Variants in GPR155 observed in about 807,000 individuals in gnomAD.
GPR155 encodes the protein lysosomal cholesterol signaling protein.
A neutral mutation model predicts 93.1 loss-of-function variants in GPR155; 65 were observed. The ratio of observed to expected loss-of-function variants is 0.70; its 90% CI spans 0.57 to 0.86. The LOEUF (loss-of-function observed/expected upper bound fraction) is 0.86, where lower values mean the gene tolerates loss of function less well. Among genes scored for constraint, GPR155 ranks in the 40% least tolerant of loss-of-function variants. GPR155 has a pLI of 0.00. For missense variants in GPR155, 838 were observed against 1,034.8 expected, an observed-to-expected ratio of 0.81 and a Z score of 2.61; for synonymous variants, 319 against 360.1, an observed-to-expected ratio of 0.89 and a Z score of 1.29.
Position 174,436,157 on chromosome 2 carries a change from T to G in GPR155, c.2572A>C (p.Ile858Leu), listed in dbSNP as rs1318730953. Residue 858 changes from isoleucine to leucine, a missense_variant, in exon 16 of 16, where the codon ATT (isoleucine) becomes CTT (leucine). Transcript: ENST00000392552. ...TGTGAGGGTGGGGATGAATGCTCAA[T>G]TTCTTTATATCTTTCCTGTTGGAGA... ...NTLQQERYKE[I>L]EHSSPPSHSP... 4 of 1,613,864 alleles carry G rather than the reference T, an allele frequency of 2.5e-6. No homozygotes were observed. The African/African-American group carries it at 5.3e-5, about 22-fold the overall frequency.
rs190549591 is a variant in GPR155, at chr2:174,480,824, C to T, written c.460+673G>A. Among the ~76,000 whole-genome samples, 24 of 152,076 alleles carry T rather than the reference C, an allele frequency of 1.6e-4. No individual in the cohort carries two copies. In the East Asian group the frequency reaches 3.5e-3, roughly 22 times the overall value. On this transcript the variant is annotated intron_variant, in intron 2 of 15. Coordinates refer to ENST00000392552, the MANE Select transcript of GPR155 (RefSeq NM_152529.7). Reference sequence around the variant, plus strand: ...TCACTCTGTCACCCAGGCTGGAGTACAGTGGTATAATATTGACCCACTGCA... The same window carrying T: ...TCACTCTGTCACCCAGGCTGGAGTATAGTGGTATAATATTGACCCACTGCA...
chr2:174,472,715 C>T (rs1359920189), intron 3 of GPR155, among the ~76,000 whole-genome samples: 1 of 152,028 alleles, frequency 6.6e-6, no homozygotes, highest in Non-Finnish European at 1.5e-5. Context: ...ACTGAGTAAA[C>T]TTTATGTAAA....
intron 10 of GPR155, among the ~76,000 whole-genome samples, chr2:174,455,247 T>C (rs1342625445): frequency 6.6e-6 from 1 of 151,992 alleles, no homozygotes; most frequent in Non-Finnish European, 1.5e-5. Flanking sequence ...ACAGAGAAAT[T>C]AGTGAGCTTC....
intron 11 of GPR155, among the ~76,000 whole-genome samples, chr2:174,452,549 A>G (rs1452682609): frequency 6.6e-6 from 1 of 152,244 alleles, no homozygotes; most frequent in Non-Finnish European, 1.5e-5. Flanking sequence ...ATAATCAACG[A>G]AAAATGCACT....
rs1688058806 is a variant in GPR155 at position 174,473,476 on chromosome 2, A to G, written c.461-112T>C. On this transcript the variant is annotated intron_variant, in intron 2 of 15. Coordinates refer to ENST00000392552, the MANE Select transcript of GPR155 (RefSeq NM_152529.7). ...CAATGATAAATCTAAAATTTTCAAA[A>G]TGACCCAAATAGCCTATTTTGGAAA... The G allele has an allele frequency of 1.8e-5, 13 of 708,500 alleles. No homozygotes were observed. The South Asian group carries it at 2.8e-4, about 15-fold the overall frequency. 43.9% of individuals were successfully genotyped at this position (708,500 alleles called of 1,614,324 possible).
intron 11 of GPR155, 81 bp from the exon 12 acceptor site, chr2:174,446,828 G>T: frequency 1.6e-6 from 2 of 1,276,318 alleles, no homozygotes; most frequent in South Asian, 2.5e-5. Context: ...CTTCCTAAGA[G>T]AAACAACAGA....
At position 174,453,822 on chromosome 2, in the gene GPR155, C is replaced by T. The variant is rs758746031; in HGVS notation, c.1791G>A (p.Met597Ile). The change falls in exon 11 of 16, where the codon ATG becomes ATA. Residue 597 changes from methionine to isoleucine, a missense_variant. Physicochemically the swap from Met to Ile is conservative, Grantham distance 10 (BLOSUM62 1). Around this residue, in one of 3 missense-constraint regions of GPR155, gnomAD observed 663 missense variants for 790.1 expected, o/e 0.84. Transcript: ENST00000392552. Reference sequence around the variant, plus strand: ...ATGGGCAGTGTAATTCACCATTTCCCATGGAGCAGGAGCAGCAACCTATAT... The same window carrying T: ...ATGGGCAGTGTAATTCACCATTTCCTATGGAGCAGGAGCAGCAACCTATAT... ...IPETSCCSCS[M>I]GNGELHCPSI... 5 of 1,612,718 alleles carry T rather than the reference C, an allele frequency of 3.1e-6. No individual in the cohort carries two copies. Among genetic ancestry groups the T allele is most frequent in the Non-Finnish European group, 4.2e-6 (5 of 1,178,986 alleles).
Position 174,435,948 on chromosome 2 carries a change from A to G in GPR155, c.*168T>C. On this transcript the variant is annotated 3_prime_UTR_variant, in exon 16 of 16. Coordinates refer to ENST00000392552, the MANE Select transcript of GPR155 (RefSeq NM_152529.7). ...CCTATGTGTTTTACATACATGTAAA[A>G]TCACAGACCCTGCGCATGTGGTGGG... is the stretch of plus-strand genomic sequence containing the variant. 1 of 598,080 alleles carries G rather than the reference A, an allele frequency of 1.7e-6. No homozygotes were observed. The highest frequency in any genetic ancestry group is 3.0e-6 in the Non-Finnish European group (1 of 334,220). The allele number at this position is 598,080 out of a possible 1,614,324, so 37.0% of individuals were successfully genotyped here. A position where few individuals can be genotyped will look rare whatever the true frequency, so the allele number is the denominator to read the frequency against.
chr2:174,455,756 G>A (rs1239805162), intron 10 of GPR155, among the ~76,000 whole-genome samples: 1 of 152,194 alleles, frequency 6.6e-6, no homozygotes, highest in Non-Finnish European at 1.5e-5. Context: ...ACCACTAAAA[G>A]AAAGATAATT....
At chr2:174,457,801 AT>A (rs1453541207) in intron 10 of GPR155, among the ~76,000 whole-genome samples, 1 of 151,910 alleles carries the variant, frequency 6.6e-6, no homozygotes, top group African/African-American at 2.4e-5. Flanking sequence ...CCCAGGCTGG[AT>A]TGCTGTGGCG....
chr2:174,445,034 C>T (rs917933604), intron 13 of GPR155, 47 bp downstream of exon 13: 3 of 905,786 alleles, frequency 3.3e-6, no homozygotes, highest in Non-Finnish European at 5.6e-6. Context: ...ACCAATCAAC[C>T]TATCCAGGAA....
intron 10 of GPR155, among the ~76,000 whole-genome samples, chr2:174,458,836 C>T (rs1687596031): frequency 6.6e-6 from 1 of 152,002 alleles, no homozygotes; most frequent in Non-Finnish European, 1.5e-5. Flanking sequence ...ACCTGTAATC[C>T]CAGCACATTG....
chr2:174,473,803 GGA>G (rs1688067687), intron 2 of GPR155, among the ~76,000 whole-genome samples: 1 of 152,178 alleles, frequency 6.6e-6, no homozygotes, highest in African/African-American at 2.4e-5. Flanking sequence ...AGAGGGTTGA[GGA>G]GAGAGTAGGA....
chr2:174,466,208 A>G (rs2105716838), intron 6 of GPR155, among the ~76,000 whole-genome samples: 1 of 152,276 alleles, frequency 6.6e-6, no homozygotes, highest in East Asian at 1.9e-4. Context: ...CTTACATTAA[A>G]ATTGCTAAAG....
chr2:174,455,616 C>G (rs1307494962), intron 10 of GPR155, among the ~76,000 whole-genome samples: 3 of 152,050 alleles, frequency 2.0e-5, no homozygotes, highest in African/African-American at 4.8e-5. Context: ...AGGCCCAAGT[C>G]GGGAGATGGG....
intron 10 of GPR155, among the ~76,000 whole-genome samples, chr2:174,457,520 G>A (rs898830564): frequency 6.6e-6 from 1 of 152,056 alleles, no homozygotes; most frequent in Non-Finnish European, 1.5e-5. Context: ...GCAGTGGCAC[G>A]ATCTCAGCTC....
At chr2:174,468,078 C>T (rs1423918096) in intron 5 of GPR155, among the ~76,000 whole-genome samples, 2 of 152,158 alleles carry the variant, frequency 1.3e-5, no homozygotes, top group Non-Finnish European at 2.9e-5. Context: ...ATTCTACCTA[C>T]GTATTGGCCA....
chr2:174,450,362 T>C (rs1687283092), intron 11 of GPR155, among the ~76,000 whole-genome samples: 2 of 152,132 alleles, frequency 1.3e-5, no homozygotes, highest in South Asian at 4.1e-4. Context: ...AAAAAACTAC[T>C]GGGTACTATG....
At chr2:174,455,409 G>A (rs1001826698) in intron 10 of GPR155, among the ~76,000 whole-genome samples, 1 of 152,170 alleles carries the variant, frequency 6.6e-6, no homozygotes, top group Non-Finnish European at 1.5e-5. Context: ...GGAAGGGCTT[G>A]GGCACTACGT....
Sources: gnomAD v4.1 joint callset for allele counts (sites outside exome capture counted in the v4.1 genomes callset) on GRCh38, gnomAD v4.1.1 for gene constraint, gnomAD v4.1.1 regional missense constraint, MANE v1.5 for transcripts, NCBI Gene and HGNC (gene_info 2026-07-23, HGNC 2026-07-21) for gene names.